Variants in EPB41L5 observed in about 807,000 individuals in gnomAD.
The protein encoded by EPB41L5 is erythrocyte membrane protein band 4.1 like 5.
A neutral mutation model predicts 106.6 loss-of-function variants in EPB41L5; 55 were observed. The observed-to-expected ratio is 0.52, with a 90% CI of 0.42 to 0.65. The LOEUF (loss-of-function observed/expected upper bound fraction) is 0.65, where lower values mean the gene tolerates loss of function less well. Among genes scored for constraint, EPB41L5 ranks in the 30% least tolerant of loss-of-function variants. EPB41L5 has a pLI of 0.00. For synonymous variants in EPB41L5, 297 were observed against 306.7 expected (o/e 0.97, Z 0.33); for missense variants, 871 against 882.1 (o/e 0.99, Z 0.16).
chr2:120,129,395 A>G (rs1685602249), intron 17 of EPB41L5, among the ~76,000 whole-genome samples: 1 of 152,132 alleles, frequency 6.6e-6, no homozygotes. Context: ...TTTCGTTTCT[A>G]GAAAGAATTG....
intron 16 of EPB41L5, among the ~76,000 whole-genome samples, chr2:120,125,710 GTCTTT>G (rs746089820): frequency 3.3e-4 from 50 of 152,048 alleles, no homozygotes; most frequent in Non-Finnish European, 6.0e-4. Context: ...GGATTTTTTT[GTCTTT>G]TCTTTTATGG....
In EPB41L5 at chr2:120,127,948, G is replaced by T. The variant is rs558336074; in HGVS notation, c.1501+97G>T. 5.9e-5 allele frequency: 68 copies of T among 1,151,914 alleles called. 1 individual carries two copies. The highest frequency in any genetic ancestry group is 2.5e-4 in the Middle Eastern group (1 of 3,984). 71.4% of individuals were successfully genotyped at this position (1,151,914 alleles called of 1,614,324 possible). On this transcript the variant is annotated intron_variant, in intron 17 of 24. Transcript: ENST00000263713. The stretch of plus-strand genomic sequence containing the variant: ...TTCTCCAATAATATTTTTTGTACTA[G>T]TTCAACTTTTAAATTTAATTCAGAA...
At chr2:120,080,894 A>G (rs868238214) in intron 10 of EPB41L5, among the ~76,000 whole-genome samples, 2 of 152,156 alleles carry the variant, frequency 1.3e-5, no homozygotes, top group Non-Finnish European at 2.9e-5. Context: ...TGTTGGCTGC[A>G]TAAATGTCTT....
chr2:120,098,190 T>TGTGTGTGTGTGTGTGTGTGTG (rs1574660633), intron 14 of EPB41L5, among the ~76,000 whole-genome samples: 1 of 7,210 alleles, frequency 1.4e-4, no homozygotes, highest in Admixed American at 1.5e-3. Context: ...GTGTGTGTGT[T>TGTGTGTGTGTGTGTGTGTGTG]TTGGTGGGGT....
intron 3 of EPB41L5, among the ~76,000 whole-genome samples, chr2:120,046,651 C>T (rs1316497887): frequency 6.6e-6 from 1 of 152,076 alleles, no homozygotes; most frequent in African/African-American, 2.4e-5. Flanking sequence ...TGTGCAGAAG[C>T]TCTTTAGTTT....
chr2:120,120,596 T>TA (rs995086554), intron 16 of EPB41L5, among the ~76,000 whole-genome samples: 2 of 151,576 alleles, frequency 1.3e-5, no homozygotes, highest in African/African-American at 4.9e-5. Context: ...GTGCTTTTTT[T>TA]AAAAAAAACC....
intron 3 of EPB41L5, among the ~76,000 whole-genome samples, chr2:120,058,519 A>C (rs1440338042): frequency 6.6e-6 from 1 of 152,206 alleles, no homozygotes; most frequent in Non-Finnish European, 1.5e-5. Flanking sequence ...AAATATAGAT[A>C]GCGTGATGAT....
At chr2:120,131,779 TC>T in intron 18 of EPB41L5, 64 bp downstream of exon 18, 1 of 1,227,124 alleles carries the variant, frequency 8.1e-7, no homozygotes, top group Non-Finnish European at 1.2e-6. Context: ...ATATTTTCTT[TC>T]CAAAGACAGT....
intron 2 of EPB41L5, among the ~76,000 whole-genome samples, chr2:120,034,573 A>T (rs1678922612): frequency 1.3e-5 from 2 of 151,980 alleles, no homozygotes; most frequent in Non-Finnish European, 2.9e-5. Flanking sequence ...GCACAGTTAA[A>T]TTTGTTAGCT....
chr2:120,148,308 C>T (rs1050954110), intron 20 of EPB41L5, among the ~76,000 whole-genome samples: 7 of 152,054 alleles, frequency 4.6e-5, no homozygotes, highest in Non-Finnish European at 8.8e-5. Flanking sequence ...CTAGAAACTC[C>T]TTACCCTCAC....
intron 1 of EPB41L5, among the ~76,000 whole-genome samples, chr2:120,017,773 A>G (rs1206638057): frequency 1.3e-5 from 2 of 152,166 alleles, no homozygotes; most frequent in African/African-American, 4.8e-5. Context: ...TGTTTTTATT[A>G]TGAATGCTCA....
intron 18 of EPB41L5, among the ~76,000 whole-genome samples, chr2:120,139,274 T>G (rs1015888122): frequency 6.6e-6 from 1 of 152,006 alleles, no homozygotes. Context: ...ATGCAAAGAT[T>G]TCTTGAATAA....
intron 24 of EPB41L5, among the ~76,000 whole-genome samples, chr2:120,173,417 G>A (rs1272586336): frequency 3.3e-5 from 5 of 152,102 alleles, no homozygotes; most frequent in African/African-American, 9.7e-5. Context: ...TTGGCTGCTG[G>A]GCTCCACCCT....
chr2:120,111,205 T>G (rs888083497), intron 16 of EPB41L5, among the ~76,000 whole-genome samples: 2 of 152,142 alleles, frequency 1.3e-5, no homozygotes, highest in East Asian at 1.9e-4. Context: ...ATTTCTTGAT[T>G]TGGGTTTGTG....
At chr2:120,105,548 C>T (rs1221339049) in intron 16 of EPB41L5, 2 of 984,904 alleles carry the variant, frequency 2.0e-6, no homozygotes, top group Admixed American at 1.2e-4. Context: ...CCTAAATAAG[C>T]AGAACTGACT....
intron 1 of EPB41L5, chr2:120,013,441 C>G (rs570282129): frequency 6.7e-6 from 1 of 150,350 alleles, no homozygotes; most frequent in South Asian, 2.1e-4. Context: ...GAGTTTCGGT[C>G]GATACCGCGC....
intron 2 of EPB41L5, among the ~76,000 whole-genome samples, chr2:120,022,639 T>C (rs1678016737): frequency 6.6e-6 from 1 of 152,148 alleles, no homozygotes; most frequent in South Asian, 2.1e-4. Context: ...GCTGCAGTAA[T>C]CATACATGTG....
At chr2:120,106,702 C>G (rs1254651630) in intron 16 of EPB41L5, 1 of 985,220 alleles carries the variant, frequency 1.0e-6, no homozygotes, top group Non-Finnish European at 1.2e-6. Context: ...TTTTTACAGT[C>G]AAGGAAACTT....
rs1189384559 is a variant in EPB41L5 at position 120,075,683 on chromosome 2, C to T, written c.453-18C>T. ...TTATGAAATCAACTTGTCTAACAAA[C>T]TTGTGTTTTGGTCTCAGATTAGACT... On this transcript the variant is annotated intron_variant, in intron 6 of 24. Coordinates refer to ENST00000263713, the MANE Select transcript of EPB41L5 (RefSeq NM_020909.4). 1 of 1,609,016 alleles carries T rather than the reference C, an allele frequency of 6.2e-7. No homozygotes were observed. Among genetic ancestry groups the T allele is most frequent in the Admixed American group, 1.7e-5 (1 of 59,916 alleles).
Sources: allele counts gnomAD v4.1 joint callset (sites outside exome capture counted in the v4.1 genomes callset), GRCh38; gene constraint gnomAD v4.1.1; transcripts MANE v1.5; gene names NCBI Gene and HGNC (gene_info 2026-07-23, HGNC 2026-07-21).